DPP8: variants seen among roughly 807,000 people sequenced by gnomAD.
DPP8 encodes dipeptidyl peptidase 8.
Under a neutral mutation model 107.5 loss-of-function variants are expected in DPP8, and 31 were observed. The observed-to-expected ratio is 0.29, with a 90% confidence interval of 0.22 to 0.39. The LOEUF (loss-of-function observed/expected upper bound fraction) is 0.39, where lower values mean the gene tolerates loss of function less well. DPP8 is among the 10% of genes least tolerant of loss of function. The probability of loss-of-function intolerance (pLI) is 1.00; values close to 1 mark genes in which losing one functional copy is unlikely to be tolerated. For missense variants in DPP8, 842 were observed against 1,076.1 expected, an observed-to-expected ratio of 0.78 and a Z score of 3.04; for synonymous variants, 381 against 356.6, an observed-to-expected ratio of 1.07 and a Z score of -0.77.
At chr15:65,472,374 G>A (rs750729082) in intron 12 of DPP8, among the ~76,000 whole-genome samples, 5 of 152,036 alleles carry the variant, frequency 3.3e-5, no homozygotes, top group Admixed American at 6.6e-5. Context: ...TTCATTTGCA[G>A]CCTAGACTTC....
intron 11 of DPP8, among the ~76,000 whole-genome samples, chr15:65,476,976 G>A (rs80129848): frequency 0.048 from 7,323 of 152,190 alleles, 598 homozygotes; most frequent in African/African-American, 0.17. Context: ...CACTAAATAA[G>A]ACATCTAGAG....
chr15:65,448,811 CATAT>C (rs2063693760), intron 19 of DPP8, among the ~76,000 whole-genome samples: 1 of 117,948 alleles, frequency 8.5e-6, no homozygotes, highest in African/African-American at 3.1e-5. Flanking sequence ...ATAAAATATA[CATAT>C]ATATCTAAAG....
At chr15:65,457,249 G>A (rs1213063288) in intron 15 of DPP8, among the ~76,000 whole-genome samples, 2 of 152,296 alleles carry the variant, frequency 1.3e-5, no homozygotes, top group East Asian at 3.9e-4. Flanking sequence ...AGTCACTCGG[G>A]AGGCAGAGGC....
intron 14 of DPP8, among the ~76,000 whole-genome samples, chr15:65,466,364 C>CT (rs780795758): frequency 1.3e-5 from 2 of 152,198 alleles, no homozygotes; most frequent in Non-Finnish European, 2.9e-5. Context: ...TCCCGAACTC[C>CT]TGACCTCAAG....
chr15:65,466,591 TC>T, intron 14 of DPP8, 86 bp downstream of exon 14: 1 of 1,244,508 alleles, frequency 8.0e-7, no homozygotes, highest in Non-Finnish European at 1.2e-6. Flanking sequence ...GAAAGACTTG[TC>T]CAGGAAATGT....
intron 11 of DPP8, among the ~76,000 whole-genome samples, chr15:65,478,160 CCTATAA>C (rs1331816770): frequency 1.3e-5 from 2 of 151,964 alleles, no homozygotes; most frequent in Non-Finnish European, 2.9e-5. Context: ...AATCCAAAGA[CCTATAA>C]CTATAAATTA....
chr15:65,491,535 T>C (rs1027482513), intron 5 of DPP8, among the ~76,000 whole-genome samples: 3 of 152,190 alleles, frequency 2.0e-5, no homozygotes, highest in Non-Finnish European at 4.4e-5. Flanking sequence ...CAGGTTTGCA[T>C]ATTCTAGAAG....
chr15:65,516,068 T>C, intron 1 of DPP8: 1 of 362,626 alleles, frequency 2.8e-6, no homozygotes, highest in Admixed American at 4.6e-5. Context: ...GGAAAGGCTT[T>C]AAAAAGTTAC....
chr15:65,481,570 G>A lies in DPP8; in HGVS notation c.1063C>T (p.Leu355=). The change falls in exon 9 of 20, where the codon CTA becomes TTA. Residue 355 remains leucine, a synonymous_variant. Coordinates refer to ENST00000300141, the MANE Select transcript of DPP8 (RefSeq NM_130434.5). ...GCAATATATTCAACTCCTTCAAATA[G>A]AATCTCAAAAGGTTGAATTAGTTCC... ...DKELIQPFEI[L]FEGVEYIARA... 6.3e-7 allele frequency: 1 copy of A among 1,589,912 alleles called. No homozygotes were observed. The highest frequency in any genetic ancestry group is 8.5e-7 in the Non-Finnish European group (1 of 1,170,328).
Position 65,463,893 on chromosome 15 carries a change from G to T in DPP8, c.1839C>A (p.Asp613Glu). The change falls in exon 15 of 20, where the codon GAC becomes GAA. Residue 613 changes from aspartate to glutamate, a missense_variant. Transcript: ENST00000300141. The stretch of plus-strand genomic sequence containing the variant: ...AAGAGAAAATTTCTGGAGGAGTATA[G>T]TCAGGAAGAGGACCTGTGAATAGGT... ...TILDSAGPLP[D>E]YTPPEIFSFE... The T allele has an allele frequency of 6.3e-7, 1 of 1,580,170 alleles. No homozygotes were observed. Among genetic ancestry groups the T allele is most frequent in the Non-Finnish European group, 8.6e-7 (1 of 1,166,874 alleles).
At chr15:65,469,132 C>T (rs2065625593) in intron 12 of DPP8, among the ~76,000 whole-genome samples, 1 of 151,922 alleles carries the variant, frequency 6.6e-6, no homozygotes, top group Non-Finnish European at 1.5e-5. Flanking sequence ...TGTACCACCA[C>T]GCCTGGCTAA....
chr15:65,455,603 G>C lies in DPP8; in HGVS notation c.2118+622C>G, dbSNP rs116241715. 4.6e-6 allele frequency: 5 copies of C among 1,093,450 alleles called. No homozygotes were observed. The South Asian group carries it at 8.8e-5, about 19-fold the overall frequency. The allele number at this position is 1,093,450 out of a possible 1,614,324, so 67.7% of individuals were successfully genotyped here. On this transcript the variant is annotated intron_variant, in intron 16 of 19. Transcript: ENST00000300141. ...TATATTACTAGGCCTGCCAGTGCAC[G>C]CAATCTCACTTCACTGAGCCAAAAA...
intron 8 of DPP8, among the ~76,000 whole-genome samples, chr15:65,484,025 A>C (rs1162062349): frequency 1.3e-5 from 2 of 152,150 alleles, no homozygotes; most frequent in Non-Finnish European, 2.9e-5. Flanking sequence ...ATAGAGATAG[A>C]AAGTAGATTA....
intron 12 of DPP8, among the ~76,000 whole-genome samples, chr15:65,467,863 T>C (rs1018397179): frequency 6.6e-6 from 1 of 152,216 alleles, no homozygotes; most frequent in Admixed American, 6.5e-5. Context: ...AGGGCAATCA[T>C]TCATACATAC....
chr15:65,481,924 T>A (rs953640977), intron 8 of DPP8, among the ~76,000 whole-genome samples: 1 of 151,914 alleles, frequency 6.6e-6, no homozygotes, highest in Admixed American at 6.6e-5. Flanking sequence ...GACTCCAGTA[T>A]CCAGAAAAAT....
chr15:65,516,723 G>C (rs1256265861), intron 1 of DPP8: 1 of 152,150 alleles, frequency 6.6e-6, no homozygotes, highest in Non-Finnish European at 1.5e-5. Context: ...TAACTCAAGG[G>C]CCAAACAGCC....
chr15:65,484,617 T>C (rs2067230204), intron 8 of DPP8, among the ~76,000 whole-genome samples: 1 of 151,586 alleles, frequency 6.6e-6, no homozygotes, highest in African/African-American at 2.4e-5. Context: ...CTATTCTCTT[T>C]TCTCTTTCTT....
intron 6 of DPP8, among the ~76,000 whole-genome samples, chr15:65,489,862 C>T (rs988251501): frequency 9.2e-5 from 14 of 151,998 alleles, no homozygotes; most frequent in Admixed American, 2.6e-4. Flanking sequence ...GGATTACAGG[C>T]GCGTGCTACC....
At chr15:65,460,379 G>A (rs1300279572) in intron 15 of DPP8, among the ~76,000 whole-genome samples, 1 of 152,182 alleles carries the variant, frequency 6.6e-6, no homozygotes, top group Non-Finnish European at 1.5e-5. Flanking sequence ...GGAGGTGGAG[G>A]AGGCAGTGAG....
Sources: gnomAD v4.1 joint callset for allele counts (sites outside exome capture counted in the v4.1 genomes callset) on GRCh38, gnomAD v4.1.1 for gene constraint, MANE v1.5 for transcripts, NCBI Gene and HGNC (gene_info 2026-07-23, HGNC 2026-07-21) for gene names.